Variants in EFHC2 observed in about 807,000 individuals in gnomAD.
EFHC2 encodes the protein EF-hand domain containing 2.
In EFHC2, 18 loss-of-function variants were observed where a neutral mutation model predicts 52.7. The ratio of observed to expected loss-of-function variants is 0.34; its 90% CI spans 0.24 to 0.51. The LOEUF (loss-of-function observed/expected upper bound fraction) is 0.51, where lower values mean the gene tolerates loss of function less well. EFHC2 is among the 20% of genes least tolerant of loss of function. The pLI, the probability that EFHC2 is intolerant of heterozygous loss-of-function variation, is 0.97. For synonymous variants in EFHC2, 203 were observed against 204.1 expected, an observed-to-expected ratio of 0.99 and a Z score of 0.04; for missense variants, 513 against 562.5, an observed-to-expected ratio of 0.91 and a Z score of 0.89.
intron 11 of EFHC2, among the ~76,000 whole-genome samples, chrX:44,187,705 G>T (rs995987241): frequency 1.8e-5 from 2 of 110,957 alleles, no homozygotes; most frequent in African/African-American, 6.6e-5. Context: ...CAGGAGAATC[G>T]CTTGAGTCCA....
intron 11 of EFHC2, among the ~76,000 whole-genome samples, chrX:44,223,430 T>C (rs765369614): frequency 8.9e-6 from 1 of 112,092 alleles, no homozygotes; most frequent in African/African-American, 3.2e-5. Context: ...ACTGTTCCTA[T>C]AGTTCAGCCT....
chrX:44,232,800 C>T, intron 9 of EFHC2, 123 bp from the exon 10 acceptor site: 1 of 573,468 alleles, frequency 1.7e-6, no homozygotes, highest in East Asian at 3.8e-5. Context: ...ACTCATATTG[C>T]CTGTTATTTT....
intron 1 of EFHC2, among the ~76,000 whole-genome samples, chrX:44,336,207 T>A (rs1263801805): frequency 9.1e-6 from 1 of 109,745 alleles, no homozygotes; most frequent in African/African-American, 3.3e-5. Flanking sequence ...GCCAACATGG[T>A]GAAACCCCGT....
chrX:44,180,227 C>T (rs764965556), intron 11 of EFHC2, among the ~76,000 whole-genome samples: 23 of 111,543 alleles, frequency 2.1e-4, no homozygotes, highest in Non-Finnish European at 3.2e-4. Flanking sequence ...CCTTTATTGC[C>T]TTTATTGTCC....
chrX:44,160,912 A>C (rs1044395140), intron 14 of EFHC2, among the ~76,000 whole-genome samples: 1 of 109,740 alleles, frequency 9.1e-6, no homozygotes. Context: ...ACAGAGTGAG[A>C]CTTCGTCTCA....
intron 14 of EFHC2, among the ~76,000 whole-genome samples, chrX:44,151,891 C>T (rs2147262730): frequency 9.0e-6 from 1 of 111,730 alleles, no homozygotes; most frequent in South Asian, 3.7e-4. Flanking sequence ...TTCTGGTAAA[C>T]ATCTGTAAAT....
chrX:44,305,403 C>G (rs918575011), intron 2 of EFHC2, among the ~76,000 whole-genome samples: 1 of 112,353 alleles, frequency 8.9e-6, no homozygotes, highest in African/African-American at 3.2e-5. Flanking sequence ...ACTTCCATGG[C>G]ACAGTTGCTG....
intron 2 of EFHC2, among the ~76,000 whole-genome samples, chrX:44,303,441 T>C (rs1420399927): frequency 9.0e-6 from 1 of 110,914 alleles, no homozygotes; most frequent in Non-Finnish European, 1.9e-5. Flanking sequence ...GTTGTAGATG[T>C]ACCCCTACTT....
intron 1 of EFHC2, among the ~76,000 whole-genome samples, chrX:44,314,334 C>T (rs2037970002): frequency 8.9e-6 from 1 of 112,326 alleles, no homozygotes; most frequent in South Asian, 3.7e-4. Flanking sequence ...TAGCCTCTTG[C>T]AAAACATGAT....
chrX:44,292,573 G>A (rs768987494), intron 2 of EFHC2, among the ~76,000 whole-genome samples: 1 of 111,693 alleles, frequency 9.0e-6, no homozygotes, highest in Admixed American at 9.5e-5. Flanking sequence ...ATATGCTTTG[G>A]ATAAGCAATA....
chrX:44,338,476 C>A (rs1354021554), intron 1 of EFHC2, among the ~76,000 whole-genome samples: 1 of 109,437 alleles, frequency 9.1e-6, no homozygotes, highest in African/African-American at 3.4e-5. Context: ...CCTGCCACTG[C>A]ACCCCAGCCT....
intron 11 of EFHC2, among the ~76,000 whole-genome samples, chrX:44,198,829 T>G (rs2036985245): frequency 1.8e-5 from 2 of 111,365 alleles, no homozygotes; most frequent in Non-Finnish European, 1.9e-5. Context: ...ATTAAACCTA[T>G]GCATAAAGCT....
chrX:44,198,621 C>T, intron 11 of EFHC2, among the ~76,000 whole-genome samples: 1 of 111,192 alleles, frequency 9.0e-6, no homozygotes, highest in African/African-American at 3.3e-5. Flanking sequence ...TCCCCAGGTA[C>T]CAACGCGAAG....
intron 1 of EFHC2, among the ~76,000 whole-genome samples, chrX:44,320,915 A>T (rs945575726): frequency 1.8e-5 from 2 of 111,275 alleles, no homozygotes; most frequent in Non-Finnish European, 3.8e-5. Context: ...TTGAGACATG[A>T]GGTTAAGAGT....
At chrX:44,301,177 A>T (rs1218433930) in intron 2 of EFHC2, among the ~76,000 whole-genome samples, 2 of 109,212 alleles carry the variant, frequency 1.8e-5, no homozygotes, top group Non-Finnish European at 3.8e-5. Flanking sequence ...CCTGTACTCA[A>T]TGGATCAGCT....
intron 14 of EFHC2, among the ~76,000 whole-genome samples, chrX:44,156,432 T>C (rs2036606559): frequency 8.9e-6 from 1 of 112,377 alleles, no homozygotes; most frequent in African/African-American, 3.2e-5. Flanking sequence ...TGTCTATAAA[T>C]TGGGGATAAT....
At chrX:44,173,827 G>C (rs1477254121) in intron 13 of EFHC2, among the ~76,000 whole-genome samples, 2 of 112,040 alleles carry the variant, frequency 1.8e-5, no homozygotes, top group Non-Finnish European at 3.8e-5. Context: ...GAGAGAATGA[G>C]AGGATGATGA....
At chrX:44,232,389 G>A in intron 10 of EFHC2, 92 bp downstream of exon 10, 1 of 676,782 alleles carries the variant, frequency 1.5e-6, no homozygotes, top group Non-Finnish European at 2.1e-6. Flanking sequence ...TACAACTGGT[G>A]GCAAGATGAA....
chrX:44,182,978 T>C (rs770783234), intron 11 of EFHC2, among the ~76,000 whole-genome samples: 7 of 111,648 alleles, frequency 6.3e-5, no homozygotes, highest in Non-Finnish European at 1.1e-4. Context: ...TTCTGAAACA[T>C]GAAACGCTAA....
Sources: gnomAD v4.1 joint callset for allele counts (sites outside exome capture counted in the v4.1 genomes callset) on GRCh38, gnomAD v4.1.1 for gene constraint, MANE v1.5 for transcripts, NCBI Gene and HGNC (gene_info 2026-07-23, HGNC 2026-07-21) for gene names.